The following NDUFB10 variants were observed in gnomAD, a reference collection of about 807,000 sequenced individuals.
NDUFB10 encodes the protein NADH dehydrogenase [ubiquinone] 1 beta subcomplex subunit 10.
A neutral mutation model predicts 19.0 loss-of-function variants in NDUFB10; 23 were observed. That is an observed-to-expected ratio of 1.21 (90% CI 0.87 to 1.71). NDUFB10 has a LOEUF of 1.71. Among genes scored for constraint, NDUFB10 ranks in the 40% most tolerant of loss-of-function variants. NDUFB10 has a pLI of 0.00. For missense variants in NDUFB10, 312 were observed against 230.6 expected (o/e 1.35, Z -2.29); for synonymous variants, 104 against 81.8 (o/e 1.27, Z -1.46).
rs1396657057 is a variant in NDUFB10 at position 1,961,899 on chromosome 16, C to T, written c.512C>T (p.Thr171Ile). The T allele has an allele frequency of 1.3e-6, 2 of 1,559,276 alleles. No individual in the cohort carries two copies. The highest frequency in any genetic ancestry group is 1.7e-6 in the Non-Finnish European group (2 of 1,151,102). ...RKAAKEAAAA[T>I]S ...GCTGCAAAAGAGGCCGCCGCTGCCA[C>T]CTCCTGAGGCAGCTGTGGGTGCCCC... Residue 171 changes from threonine (T) to isoleucine (I), a missense_variant, in exon 4 of 4, where the codon ACC (threonine) becomes ATC (isoleucine). Transcript: ENST00000268668.
chr16:1,961,172 C>G lies in NDUFB10; in HGVS notation c.150C>G (p.His50Gln), dbSNP rs2083251548. 1.2e-6 allele frequency: 2 copies of G among 1,613,878 alleles called. No homozygotes were observed. Among genetic ancestry groups the G allele is most frequent in the African/African-American group, 1.3e-5 (1 of 74,918 alleles). Reference sequence around the variant, plus strand: ...TTGCAGAATTTATAGAGCGGCAGCACGCAAAGAACAGGTATTACTACTACC... The same window carrying G: ...TTGCAGAATTTATAGAGCGGCAGCAGGCAAAGAACAGGTATTACTACTACC... ...TLVREFIERQ[H>Q]AKNRYYYYHR... The change falls in exon 2 of 4, where the codon CAC (histidine) becomes CAG (glutamine). Residue 50 changes from histidine (H) to glutamine (Q), a missense_variant. Transcript: ENST00000268668.
chr16:1,959,811 C>T, intron 1 of NDUFB10, 57 bp downstream of exon 1: 1 of 1,600,252 alleles, frequency 6.2e-7, no homozygotes, highest in Admixed American at 1.7e-5. Flanking sequence ...CTGGATCCCA[C>T]ACCCTGCCTG....
intron 2 of NDUFB10, 60 bp from the exon 3 acceptor site, chr16:1,961,437 C>T (rs1410117480): frequency 1.6e-5 from 25 of 1,601,980 alleles, no homozygotes; most frequent in Non-Finnish European, 2.1e-5. Flanking sequence ...CAATTGTTCT[C>T]ACAGGGTACA....
chr16:1,960,362 C>T (rs996908727), intron 1 of NDUFB10, among the ~76,000 whole-genome samples: 1 of 152,086 alleles, frequency 6.6e-6, no homozygotes, highest in African/African-American at 2.4e-5. Context: ...ACTAGGATTA[C>T]AGGCGCACCA....
chr16:1,961,421 T>G (rs562262170), intron 2 of NDUFB10, 76 bp from the exon 3 acceptor site: 3 of 1,595,236 alleles, frequency 1.9e-6, no homozygotes, highest in Admixed American at 3.4e-5. Flanking sequence ...CCAGGGCTCT[T>G]GCTTTCAATT....
At chr16:1,959,780 C>A in intron 1 of NDUFB10, 26 bp downstream of exon 1, 1 of 1,611,450 alleles carries the variant, frequency 6.2e-7, no homozygotes, top group South Asian at 1.1e-5. Context: ...CCGGGGCTCC[C>A]TCGCCGGCCT....
chr16:1,961,378 A>C (rs1034638068), intron 2 of NDUFB10, 87 bp downstream of exon 2: 91 of 1,597,626 alleles, frequency 5.7e-5, no homozygotes, highest in Non-Finnish European at 6.5e-5. Flanking sequence ...TGGCATGCCC[A>C]GATTTTAGGG....
chr16:1,961,716 C>G (rs547135665), intron 3 of NDUFB10, 80 bp downstream of exon 3: 7 of 1,532,582 alleles, frequency 4.6e-6, no homozygotes, highest in Non-Finnish European at 6.2e-6. Flanking sequence ...CTTCCCTCCC[C>G]TCCCTTGTGC....
intron 1 of NDUFB10, among the ~76,000 whole-genome samples, chr16:1,960,714 C>T (rs1203643243): frequency 2.0e-5 from 3 of 152,312 alleles, no homozygotes; most frequent in African/African-American, 7.2e-5. Context: ...CCTTTTAGCT[C>T]GTTCATTTCC....
chr16:1,961,834 C>T lies in NDUFB10; in HGVS notation c.447C>T (p.Cys149=), dbSNP rs867416910. The T allele has an allele frequency of 1.3e-6, 2 of 1,562,272 alleles. No individual in the cohort carries two copies. Among genetic ancestry groups the T allele is most frequent in the Admixed American group, 1.9e-5 (1 of 51,964 alleles). Residue 149 remains cysteine, a synonymous_variant, in exon 4 of 4, where the codon TGC becomes TGT. Coordinates refer to ENST00000268668, the MANE Select transcript of NDUFB10 (RefSeq NM_004548.3). ...DLGAYSSARK[C]LAKQRQRMLQ... ...GGGCCTACAGTTCTGCCAGGAAGTG[C>T]CTGGCCAAACAGAGGCAGAGGATGC...
At position 1,961,957 on chromosome 16, in the gene NDUFB10, T is replaced by C. The variant is rs747990761; in HGVS notation, c.*51T>C. The C allele has an allele frequency of 1.3e-6, 2 of 1,519,138 alleles. No individual in the cohort carries two copies. Among genetic ancestry groups the C allele is most frequent in the Non-Finnish European group, 1.8e-6 (2 of 1,119,248 alleles). 94.1% of individuals were successfully genotyped at this position (1,519,138 alleles called of 1,614,324 possible). A position where few individuals can be genotyped will look rare whatever the true frequency, so the allele number is the denominator to read the frequency against. ...TGGCTCTGTATGACTGTTGCTGAAATATAAAGCCCTGCAACCTGCCTGTGT... is the reference window on the plus strand; with the variant it reads ...TGGCTCTGTATGACTGTTGCTGAAACATAAAGCCCTGCAACCTGCCTGTGT... On this transcript the variant is annotated 3_prime_UTR_variant, in exon 4 of 4. Transcript: ENST00000268668.
Position 1,959,582 on chromosome 16 carries a change from C to G in NDUFB10, c.-43C>G. 3 of 1,578,878 alleles carry G rather than the reference C, an allele frequency of 1.9e-6. No homozygotes were observed. The highest frequency in any genetic ancestry group is 2.6e-6 in the Non-Finnish European group (3 of 1,162,428). ...GCGGGACCCGGACGGAGGTAGAGGC[C>G]AGGGCAGCGCGTCCGGGAGCGGAGT... On this transcript the variant is annotated 5_prime_UTR_variant, in exon 1 of 4. Coordinates refer to ENST00000268668, the MANE Select transcript of NDUFB10 (RefSeq NM_004548.3).
At chr16:1,960,986 C>T (rs1421984868) in intron 1 of NDUFB10, among the ~76,000 whole-genome samples, 167 bp from the exon 2 acceptor site, 3 of 152,216 alleles carry the variant, frequency 2.0e-5, no homozygotes, top group Non-Finnish European at 4.4e-5. Flanking sequence ...CCTTCACAGG[C>T]CTGCCTGGCT....
chr16:1,961,802 G>C lies in NDUFB10; in HGVS notation c.415G>C (p.Asp139His). The change falls in exon 4 of 4, where the codon GAC (aspartate) becomes CAC (histidine). Residue 139 changes from aspartate to histidine, a missense_variant. Physicochemically the swap from Asp to His is moderately conservative, Grantham distance 81. Coordinates refer to ENST00000268668, the MANE Select transcript of NDUFB10 (RefSeq NM_004548.3). ...VAKAYQDRYQ[D>H]LGAYSSARKC... ...TGTTTCCATTGCTTCCCCAGATCAG[G>C]ACCTGGGGGCCTACAGTTCTGCCAG... 1.3e-6 allele frequency: 2 copies of C among 1,554,132 alleles called. No homozygotes were observed. The highest frequency in any genetic ancestry group is 1.7e-6 in the Non-Finnish European group (2 of 1,148,176).
intron 1 of NDUFB10, 150 bp downstream of exon 1, chr16:1,959,904 C>T: frequency 1.9e-6 from 2 of 1,063,976 alleles, no homozygotes; most frequent in Non-Finnish European, 1.3e-6. Context: ...CCCCGGAGAC[C>T]TCCGAGCTCC....
chr16:1,960,866 T>G (rs914124705), intron 1 of NDUFB10, among the ~76,000 whole-genome samples: 2 of 152,172 alleles, frequency 1.3e-5, no homozygotes, highest in Non-Finnish European at 2.9e-5. Flanking sequence ...TTGCCATCTG[T>G]GAGAAGCAGC....
intron 2 of NDUFB10, 94 bp downstream of exon 2, chr16:1,961,385 A>T: frequency 1.3e-6 from 2 of 1,596,944 alleles, no homozygotes; most frequent in Non-Finnish European, 1.7e-6. Context: ...CCCAGATTTT[A>T]GGGGTGACAT....
chr16:1,961,652 A>ACCCCCCACCCC lies in NDUFB10; in HGVS notation c.409+21_409+22insCACCCCCCCCC. 1 of 520,478 alleles carries ACCCCCCACCCC rather than the reference A, an allele frequency of 1.9e-6. No homozygotes were observed. The highest frequency in any genetic ancestry group is 3.0e-6 in the Non-Finnish European group (1 of 338,046). 32.2% of individuals were successfully genotyped at this position (520,478 alleles called of 1,614,324 possible). A position where few individuals can be genotyped will look rare whatever the true frequency, so the allele number is the denominator to read the frequency against. On this transcript the variant is annotated intron_variant, in intron 3 of 3. Coordinates refer to ENST00000268668, the MANE Select transcript of NDUFB10 (RefSeq NM_004548.3). ...CAGGACCGCTGTGCGTGCCCCACCC[A>ACCCCCCACCCC]CCCCCAACCCCCCACCATCCTCCTG...
At chr16:1,959,833 G>T in intron 1 of NDUFB10, 79 bp downstream of exon 1, 1 of 1,569,760 alleles carries the variant, frequency 6.4e-7, no homozygotes, top group South Asian at 1.1e-5. Context: ...ATCCTCCAAT[G>T]CCTCCGGGGT....
Sources: gnomAD v4.1 joint callset for allele counts (sites outside exome capture counted in the v4.1 genomes callset) on GRCh38, gnomAD v4.1.1 for gene constraint, MANE v1.5 for transcripts, NCBI Gene and HGNC (gene_info 2026-07-23, HGNC 2026-07-21) for gene names.